SLC24A5: variants seen among roughly 807,000 people sequenced by gnomAD.
SLC24A5 encodes the protein solute carrier family 24 member 5, also known as sodium/potassium/calcium exchanger 5.
SLC24A5 carries 46 observed loss-of-function variants against 51.6 expected under a neutral mutation model. The observed-to-expected ratio is 0.89, with a 90% CI of 0.70 to 1.14. The LOEUF (loss-of-function observed/expected upper bound fraction) is 1.14, where lower values mean the gene tolerates loss of function less well. Among genes scored for constraint, SLC24A5 ranks in the 50% most tolerant of loss-of-function variants. SLC24A5 has a pLI of 0.00. For missense variants in SLC24A5, 581 were observed against 604.1 expected (o/e 0.96, Z 0.40); for synonymous variants, 230 against 214.9 (o/e 1.07, Z -0.62).
intron 1 of SLC24A5, 40 bp downstream of exon 1, chr15:48,121,205 C>T (rs1324682924): frequency 6.5e-7 from 1 of 1,545,266 alleles, no homozygotes; most frequent in Non-Finnish European, 8.7e-7. Flanking sequence ...GCAGCAGCAG[C>T]TGCTGCTGCT....
Position 48,122,001 on chromosome 15 carries a change from A to G in SLC24A5, c.266A>G (p.Glu89Gly). Residue 89 changes from glutamate to glycine, a missense_variant, in exon 2 of 9, where the codon GAA becomes GGA. Glu to Gly is a moderately conservative substitution (Grantham distance 98). Coordinates refer to ENST00000341459, the MANE Select transcript of SLC24A5 (RefSeq NM_205850.3). ...MFMAISIVCD[E>G]YFLPSLEIIS... ...ATGGCCATATCTATTGTCTGTGATG[A>G]ATACTTCCTACCCTCCCTGGAAATC... The G allele has an allele frequency of 6.2e-7, 1 of 1,614,218 alleles. No individual in the cohort carries two copies. Among genetic ancestry groups the G allele is most frequent in the Non-Finnish European group, 8.5e-7 (1 of 1,180,018 alleles).
intron 2 of SLC24A5, among the ~76,000 whole-genome samples, chr15:48,126,140 G>A (rs538559902): frequency 9.8e-5 from 15 of 152,290 alleles, no homozygotes; most frequent in African/African-American, 3.6e-4. Flanking sequence ...CTCCACCAGA[G>A]GCTTCCAGCA....
At chr15:48,138,252 A>G (rs568663678) in intron 6 of SLC24A5, 1 of 152,144 alleles carries the variant, frequency 6.6e-6, no homozygotes, top group Non-Finnish European at 1.5e-5. Context: ...TATTTTGTAA[A>G]TGCCATACAA....
intron 2 of SLC24A5, among the ~76,000 whole-genome samples, chr15:48,129,784 G>T (rs1302657259): frequency 6.6e-6 from 1 of 151,518 alleles, no homozygotes; most frequent in Non-Finnish European, 1.5e-5. Flanking sequence ...TTAAAGCATA[G>T]AATTCACATT....
At chr15:48,121,823 A>G (rs2038681897) in intron 1 of SLC24A5, 34 bp from the exon 2 acceptor site, 1 of 1,608,522 alleles carries the variant, frequency 6.2e-7, no homozygotes, top group East Asian at 2.2e-5. Context: ...GTGACTCCAA[A>G]CTCTTCAAAC....
intron 1 of SLC24A5, 133 bp downstream of exon 1, chr15:48,121,298 T>C: frequency 1.0e-6 from 1 of 958,494 alleles, no homozygotes; most frequent in East Asian, 2.7e-5. Flanking sequence ...TTTTAGCATT[T>C]AAAAAGATAT....
chr15:48,142,198 T>C lies in SLC24A5; in HGVS notation c.1350T>C (p.Ile450=). ...CCATCTCTCTCAACATTTCAATTATTTTTCTTTTTTTAGCAGTTCACTTCA... is the reference window on the plus strand; with the variant it reads ...CCATCTCTCTCAACATTTCAATTATCTTTCTTTTTTTAGCAGTTCACTTCA... ...YITISLNISI[I]FLFLAVHFNG... Residue 450 remains isoleucine, a synonymous_variant, in exon 9 of 9, where the codon ATT becomes ATC. Coordinates refer to ENST00000341459, the MANE Select transcript of SLC24A5 (RefSeq NM_205850.3). The C allele has an allele frequency of 1.2e-6, 2 of 1,613,842 alleles. No homozygotes were observed. The highest frequency in any genetic ancestry group is 1.7e-6 in the Non-Finnish European group (2 of 1,179,882).
At chr15:48,140,184 A>T (rs980678316) in intron 7 of SLC24A5, 1 of 152,148 alleles carries the variant, frequency 6.6e-6, no homozygotes, top group Non-Finnish European at 1.5e-5. Context: ...CTAGAAAAAT[A>T]AAAAGAGAGC....
chr15:48,136,578 A>G lies in SLC24A5; in HGVS notation c.591-105A>G, dbSNP rs2038905351. ...ATATCTAGAAATGTTTGATTGTTCTATGGCTACTTTTGTTAGAAAATCATT... is the reference window on the plus strand; with the variant it reads ...ATATCTAGAAATGTTTGATTGTTCTGTGGCTACTTTTGTTAGAAAATCATT... On this transcript the variant is annotated intron_variant, in intron 5 of 8. Transcript: ENST00000341459. 8.6e-6 allele frequency: 9 copies of G among 1,046,190 alleles called. No homozygotes were observed. In the South Asian group the frequency reaches 1.6e-4, roughly 18 times the overall value. The allele number at this position is 1,046,190 out of a possible 1,614,324, so 64.8% of individuals were successfully genotyped here.
At chr15:48,138,020 C>T (rs1002313960) in intron 6 of SLC24A5, 3 of 151,970 alleles carry the variant, frequency 2.0e-5, no homozygotes, top group Non-Finnish European at 4.4e-5. Flanking sequence ...GACTTTTCCC[C>T]CTTTTTACAA....
In SLC24A5 at chr15:48,142,403, G is replaced by A; in HGVS notation, c.*52G>A. 8.2e-7 allele frequency: 1 copy of A among 1,225,726 alleles called. No homozygotes were observed. The highest frequency in any genetic ancestry group is 1.1e-6 in the Non-Finnish European group (1 of 899,576). The allele number at this position is 1,225,726 out of a possible 1,614,324, so 75.9% of individuals were successfully genotyped here. ...TATGAATGGCAGGGAGGGGCAGAGA[G>A]AAAAATCCATTTCTTCATTTAAATC... On this transcript the variant is annotated 3_prime_UTR_variant, in exon 9 of 9. Transcript: ENST00000341459.
At chr15:48,122,694 A>G (rs944211170) in intron 2 of SLC24A5, 8 of 153,004 alleles carry the variant, frequency 5.2e-5, no homozygotes, top group African/African-American at 1.9e-4. Context: ...TTCCTTCAGC[A>G]GTATATGTTG....
intron 2 of SLC24A5, among the ~76,000 whole-genome samples, chr15:48,133,527 T>C (rs1188363024): frequency 6.6e-6 from 1 of 152,132 alleles, no homozygotes; most frequent in Non-Finnish European, 1.5e-5. Context: ...GTATTACGTA[T>C]TTTCTTATAT....
chr15:48,129,942 A>C (rs572932470), intron 2 of SLC24A5, among the ~76,000 whole-genome samples: 1 of 152,248 alleles, frequency 6.6e-6, no homozygotes, highest in East Asian at 1.9e-4. Flanking sequence ...TCCAGGTCTC[A>C]GTTTTAGTTT....
At chr15:48,138,331 G>C (rs929160307) in intron 6 of SLC24A5, 1 of 151,506 alleles carries the variant, frequency 6.6e-6, no homozygotes, top group Non-Finnish European at 1.5e-5. Flanking sequence ...AAATTAAATT[G>C]AATAAAGAAA....
At chr15:48,130,025 T>A (rs1052722764) in intron 2 of SLC24A5, among the ~76,000 whole-genome samples, 22 of 152,056 alleles carry the variant, frequency 1.4e-4, no homozygotes, top group African/African-American at 5.1e-4. Context: ...TAACATGACA[T>A]CACAGAAAAA....
At chr15:48,122,618 A>T (rs2038691544) in intron 2 of SLC24A5, 2 of 153,464 alleles carry the variant, frequency 1.3e-5, no homozygotes. Context: ...TCAGTTATTA[A>T]AAATTAAGAG....
Position 48,142,500 on chromosome 15 carries a change from A to G in SLC24A5, c.*149A>G. The stretch of plus-strand genomic sequence containing the variant: ...TAAAACCAACCAAAATCACATCCTA[A>G]TTTTTCTGAGCCCTTTCTTTTCATG... On this transcript the variant is annotated 3_prime_UTR_variant, in exon 9 of 9. Coordinates refer to ENST00000341459, the MANE Select transcript of SLC24A5 (RefSeq NM_205850.3). 1.7e-6 allele frequency: 1 copy of G among 587,548 alleles called. No homozygotes were observed. Among genetic ancestry groups the G allele is most frequent in the Admixed American group, 3.6e-5 (1 of 27,648 alleles). The allele number at this position is 587,548 out of a possible 1,614,324, so 36.4% of individuals were successfully genotyped here.
intron 7 of SLC24A5, chr15:48,139,521 T>TA (rs397960204): frequency 0.13 from 18,944 of 144,020 alleles, 2,732 homozygotes; most frequent in East Asian, 0.41. Flanking sequence ...CATTCCATAA[T>TA]AAAAAAAAAA....
Sources: gnomAD v4.1 joint callset for allele counts (sites outside exome capture counted in the v4.1 genomes callset) on GRCh38, gnomAD v4.1.1 for gene constraint, MANE v1.5 for transcripts, NCBI Gene and HGNC (gene_info 2026-07-23, HGNC 2026-07-21) for gene names.